SIPA1L1: variants seen among roughly 807,000 people sequenced by gnomAD.
SIPA1L1 encodes signal-induced proliferation-associated 1-like protein 1.
In SIPA1L1, 26 loss-of-function variants were observed where a neutral mutation model predicts 162.7. That is an observed-to-expected ratio of 0.16 (90% CI 0.12 to 0.22). The LOEUF is 0.22. SIPA1L1 is among the 10% of genes least tolerant of loss of function. The pLI, the probability that SIPA1L1 is intolerant of heterozygous loss-of-function variation, is 1.00. For synonymous variants in SIPA1L1, 829 were observed against 837.4 expected (o/e 0.99, Z 0.17); for missense variants, 1,874 against 2,241.0 (o/e 0.84, Z 3.31).
At chr14:71,475,583 A>G (rs956616335) in intron 2 of SIPA1L1, among the ~76,000 whole-genome samples, 17 of 152,208 alleles carry the variant, frequency 1.1e-4, no homozygotes, top group Non-Finnish European at 2.5e-4. Context: ...TGATGTTTCA[A>G]TATTGGGAAC....
intron 19 of SIPA1L1, among the ~76,000 whole-genome samples, chr14:71,729,494 AC>A (rs747544960): frequency 5.5e-4 from 83 of 152,262 alleles, no homozygotes; most frequent in Non-Finnish European, 7.8e-4. Context: ...ATGATCAAAT[AC>A]CCTTGTTGCC....
chr14:71,437,357 A>G (rs544478208), intron 2 of SIPA1L1, among the ~76,000 whole-genome samples: 10 of 152,074 alleles, frequency 6.6e-5, no homozygotes, highest in South Asian at 2.1e-4. Flanking sequence ...TAGAAACTAC[A>G]TATATATTTT....
At chr14:71,515,688 A>G (rs2051645798) in intron 3 of SIPA1L1, among the ~76,000 whole-genome samples, 1 of 152,082 alleles carries the variant, frequency 6.6e-6, no homozygotes. Flanking sequence ...TCTGTCTCCC[A>G]CGCTCTACTG....
chr14:71,386,326 T>C (rs1175938371), intron 2 of SIPA1L1, among the ~76,000 whole-genome samples: 2 of 152,158 alleles, frequency 1.3e-5, no homozygotes, highest in Non-Finnish European at 2.9e-5. Flanking sequence ...ACTCAGCCAG[T>C]CTAGTTTCTT....
At chr14:71,621,114 C>T (rs957873782) in intron 6 of SIPA1L1, among the ~76,000 whole-genome samples, 5 of 152,196 alleles carry the variant, frequency 3.3e-5, no homozygotes, top group Non-Finnish European at 7.3e-5. Context: ...ATGCCCAGAG[C>T]TCAACTACTT....
At chr14:71,641,547 C>A (rs1056455696) in intron 7 of SIPA1L1, among the ~76,000 whole-genome samples, 1 of 152,028 alleles carries the variant, frequency 6.6e-6, no homozygotes, top group African/African-American at 2.4e-5. Flanking sequence ...ACAGTGAAGC[C>A]CCATCTCTAC....
chr14:71,513,175 A>C (rs962406269), intron 3 of SIPA1L1, among the ~76,000 whole-genome samples: 1 of 152,158 alleles, frequency 6.6e-6, no homozygotes, highest in African/African-American at 2.4e-5. Flanking sequence ...AGTATTTTAC[A>C]GAGTTTGGCG....
intron 7 of SIPA1L1, among the ~76,000 whole-genome samples, chr14:71,628,872 C>G (rs946599999): frequency 6.6e-6 from 1 of 152,074 alleles, no homozygotes; most frequent in Non-Finnish European, 1.5e-5. Flanking sequence ...GCACACAGTG[C>G]GTTCATGAGG....
intron 2 of SIPA1L1, among the ~76,000 whole-genome samples, chr14:71,340,445 A>G (rs1176733216): frequency 6.6e-6 from 1 of 151,924 alleles, no homozygotes; most frequent in East Asian, 1.9e-4. Context: ...TACTTATTCC[A>G]TCTCATTTTA....
At chr14:71,549,222 G>A (rs1037738171) in intron 4 of SIPA1L1, among the ~76,000 whole-genome samples, 3 of 152,120 alleles carry the variant, frequency 2.0e-5, no homozygotes, top group African/African-American at 4.8e-5. Context: ...TCAGTAGATC[G>A]GGATTACTAG....
chr14:71,684,455 C>T (rs962081592), intron 12 of SIPA1L1, among the ~76,000 whole-genome samples: 8 of 152,258 alleles, frequency 5.3e-5, no homozygotes, highest in South Asian at 2.1e-4. Context: ...TTTGGCCGGA[C>T]GCCCTTTGGG....
rs571397357 is a variant in SIPA1L1 at position 71,377,309 on chromosome 14, C to T, written c.-465+56128C>T. On this transcript the variant is annotated intron_variant, in intron 2 of 23. Coordinates refer to ENST00000381232, the MANE Select transcript of SIPA1L1 (RefSeq NM_001386936.1). This position sits in a 1 kb window ranked among gnomAD's most constrained non-coding sequence, Gnocchi z 4.8. ...CTCCACTTCTCAGACAGGGCGGCTGCCGGGTGGAGGGGCTCCTCAACTTCT... is the reference window on the plus strand; with the variant it reads ...CTCCACTTCTCAGACAGGGCGGCTGTCGGGTGGAGGGGCTCCTCAACTTCT... 6.6e-6 allele frequency among the ~76,000 whole-genome samples: 1 copy of T among 151,730 alleles called. No homozygotes were observed. The highest frequency in any genetic ancestry group is 1.5e-5 in the Non-Finnish European group (1 of 67,850).
At chr14:71,416,129 C>T (rs2042743858) in intron 2 of SIPA1L1, 1 of 151,946 alleles carries the variant, frequency 6.6e-6, no homozygotes, top group African/African-American at 2.4e-5. Context: ...ACAGCTACCC[C>T]TTGTATTTTG....
chr14:71,330,324 G>C (rs992967991), intron 2 of SIPA1L1: 68 of 788,302 alleles, frequency 8.6e-5, no homozygotes, highest in Non-Finnish European at 3.3e-5. Context: ...AAGGGCTGTG[G>C]GCTGTAACTC....
Position 71,723,692 on chromosome 14 carries a change from T to G in SIPA1L1, c.4254T>G (p.Ser1418Arg). The G allele has an allele frequency of 6.2e-7, 1 of 1,614,222 alleles. No homozygotes were observed. Among genetic ancestry groups the G allele is most frequent in the Non-Finnish European group, 8.5e-7 (1 of 1,180,038 alleles). Residue 1418 changes from serine (S) to arginine (R), a missense_variant, in exon 18 of 24, where the codon AGT (serine) becomes AGG (arginine). Around this residue, in one of 5 missense-constraint regions of SIPA1L1, gnomAD observed 936 missense variants for 1,051.9 expected, o/e 0.89. Transcript: ENST00000381232. ...RHSASPVVFT[S>R]ARSSPKEELH... ...CTGCCAGCCCAGTGGTTTTCACCAG[T>G]GCCCGGAGTTCACCTAAAGAAGAGC... is the stretch of plus-strand genomic sequence containing the variant.
chr14:71,634,270 C>T (rs1250885076), intron 7 of SIPA1L1, among the ~76,000 whole-genome samples: 3 of 151,482 alleles, frequency 2.0e-5, no homozygotes, highest in Non-Finnish European at 4.4e-5. Flanking sequence ...GGCATGGTGG[C>T]GGGCACCTGT....
At chr14:71,575,977 C>T (rs1295597503) in intron 4 of SIPA1L1, among the ~76,000 whole-genome samples, 1 of 152,160 alleles carries the variant, frequency 6.6e-6, no homozygotes, top group Non-Finnish European at 1.5e-5. Flanking sequence ...ACCATGATTA[C>T]GTTTTAGATT....
rs1555459919 is a variant in SIPA1L1, at chr14:71,564,490, C to CTTTTCTTTTT, written c.-302-23077_-302-23076insCTTTTTTTTT. Among the ~76,000 whole-genome samples, 12 of 97,830 alleles carry CTTTTCTTTTT rather than the reference C, an allele frequency of 1.2e-4. 2 individuals carry two copies. In the East Asian group the frequency reaches 2.7e-3, roughly 22 times the overall value. 64.2% of individuals were successfully genotyped at this position (97,830 alleles called of 152,430 possible). ...ACTTCTTATCCTCGGCATTTTCTTT[C>CTTTTCTTTTT]TTTTTTTTTTTCCGAGACAGAGTCT... On this transcript the variant is annotated intron_variant, in intron 4 of 23. Transcript: ENST00000381232.
At chr14:71,428,102 C>T (rs751026159) in intron 2 of SIPA1L1, among the ~76,000 whole-genome samples, 22 of 152,048 alleles carry the variant, frequency 1.4e-4, no homozygotes, top group Non-Finnish European at 3.2e-4. Flanking sequence ...AAGCGATTCT[C>T]CTGCCTCAGC....
Sources: allele counts gnomAD v4.1 joint callset (sites outside exome capture counted in the v4.1 genomes callset), GRCh38; gene constraint gnomAD v4.1.1; regional missense constraint gnomAD v4.1.1; non-coding constraint Gnocchi (gnomAD v3.1); transcripts MANE v1.5; gene names NCBI Gene and HGNC (gene_info 2026-07-23, HGNC 2026-07-21).